DCTN4: variants seen among roughly 807,000 people sequenced by gnomAD.
DCTN4 encodes the protein dynactin subunit 4.
A neutral mutation model predicts 62.7 loss-of-function variants in DCTN4; 23 were observed. That is an observed-to-expected ratio of 0.37 (90% CI 0.26 to 0.52). DCTN4 has a LOEUF of 0.52. Ranked by LOEUF, DCTN4 falls within the 20% of genes least tolerant of loss-of-function variation. DCTN4 has a pLI of 0.92. For synonymous variants in DCTN4, 199 were observed against 202.1 expected (o/e 0.98, Z 0.13); for missense variants, 514 against 580.4 (o/e 0.89, Z 1.18).
chr5:150,756,329 A>G (rs1478461636), intron 2 of DCTN4, 88 bp downstream of exon 2: 4 of 916,426 alleles, frequency 4.4e-6, no homozygotes, highest in South Asian at 1.9e-5. Context: ...GTGAGCCACC[A>G]TGCCTGGCCC....
In DCTN4 at chr5:150,709,372, A is replaced by C. The variant is rs1326238607; in HGVS notation, c.*1777T>G. On this transcript the variant is annotated 3_prime_UTR_variant, in exon 13 of 13. Coordinates refer to ENST00000447998, the MANE Select transcript of DCTN4 (RefSeq NM_016221.4). ...GTCTATGCAAACGTGTAAACATATG[A>C]AGCTATTCTCTACTCTATGCCCATT... is the stretch of plus-strand genomic sequence containing the variant. The C allele has an allele frequency of 1.3e-5, 2 of 152,356 alleles. No individual in the cohort carries two copies. The highest frequency in any genetic ancestry group is 2.9e-5 in the Non-Finnish European group (2 of 68,040). 9.4% of individuals were successfully genotyped at this position (152,356 alleles called of 1,614,324 possible).
At position 150,729,051 on chromosome 5, in the gene DCTN4, T is replaced by C. The variant is rs1307762675; in HGVS notation, c.834+1580A>G. ...TGAACCACCACACTGGCTTTTTTTT[T>C]TTTTTTTTTTTTTTTTTTTTTTTGG... On this transcript the variant is annotated intron_variant, in intron 8 of 12. Coordinates refer to ENST00000447998, the MANE Select transcript of DCTN4 (RefSeq NM_016221.4). 1.3e-4 allele frequency among the ~76,000 whole-genome samples: 16 copies of C among 121,820 alleles called. 2 individuals carry two copies. Among genetic ancestry groups the C allele is most frequent in the African/African-American group, 5.4e-4 (15 of 27,958 alleles). 79.9% of individuals were successfully genotyped at this position (121,820 alleles called of 152,430 possible).
intron 8 of DCTN4, among the ~76,000 whole-genome samples, chr5:150,729,732 C>T (rs1355931684): frequency 6.6e-6 from 1 of 152,024 alleles, no homozygotes; most frequent in African/African-American, 2.4e-5. Flanking sequence ...AGGGATTCTC[C>T]TGCCTCAGCT....
intron 12 of DCTN4, among the ~76,000 whole-genome samples, chr5:150,712,185 A>G (rs1030203667): frequency 3.9e-5 from 6 of 152,164 alleles, no homozygotes; most frequent in African/African-American, 1.4e-4. Flanking sequence ...GCTGGAGTGC[A>G]GTGGCGCAAT....
At chr5:150,736,834 C>T (rs1020592300) in intron 4 of DCTN4, among the ~76,000 whole-genome samples, 2 of 152,074 alleles carry the variant, frequency 1.3e-5, no homozygotes, top group African/African-American at 4.8e-5. Context: ...GAATGGATAA[C>T]AATTTACCAA....
chr5:150,747,095 G>A (rs1469454991), intron 3 of DCTN4, among the ~76,000 whole-genome samples: 50 of 151,976 alleles, frequency 3.3e-4, no homozygotes, highest in South Asian at 1.9e-3. Flanking sequence ...GCAAAGTCTC[G>A]GGATACAAAA....
intron 8 of DCTN4, among the ~76,000 whole-genome samples, chr5:150,723,727 T>C (rs748280915): frequency 6.6e-6 from 1 of 152,228 alleles, no homozygotes; most frequent in Non-Finnish European, 1.5e-5. Flanking sequence ...AGTGTAAAGA[T>C]TACCCATTAT....
At position 150,729,042 on chromosome 5, in the gene DCTN4, C is replaced by CCTTTTTTTTTTTTTTTT. The variant is rs762124472; in HGVS notation, c.834+1588_834+1589insAAAAAAAAAAAAAAAAG. 1.5e-4 allele frequency among the ~76,000 whole-genome samples: 8 copies of CCTTTTTTTTTTTTTTTT among 52,138 alleles called. 3 individuals carry two copies. The highest frequency in any genetic ancestry group is 1.3e-3 in the South Asian group (2 of 1,596). 34.2% of individuals were successfully genotyped at this position (52,138 alleles called of 152,430 possible). On this transcript the variant is annotated intron_variant, in intron 8 of 12. Coordinates refer to ENST00000447998, the MANE Select transcript of DCTN4 (RefSeq NM_016221.4). ...ACAAGTGTGTGAACCACCACACTGGCTTTTTTTTTTTTTTTTTTTTTTTTT... is the reference window on the plus strand; with the variant it reads ...ACAAGTGTGTGAACCACCACACTGGCCTTTTTTTTTTTTTTTTTTTTTTTTTTTTTTTTTTTTTTTTT...
chr5:150,758,686 C>T lies in DCTN4; in HGVS notation c.135+173G>A. The stretch of plus-strand genomic sequence containing the variant: ...CGCTCAGTCCCACCCGAGGCTGCTC[C>T]TCCTTTCCAAGTGACAGATTAGAAG... On this transcript the variant is annotated intron_variant, in intron 1 of 12. Transcript: ENST00000447998. 2.3e-6 allele frequency: 3 copies of T among 1,313,458 alleles called. 1 individual carries two copies. The highest frequency in any genetic ancestry group is 2.8e-5 in the South Asian group (2 of 71,402). The allele number at this position is 1,313,458 out of a possible 1,614,324, so 81.4% of individuals were successfully genotyped here.
intron 8 of DCTN4, among the ~76,000 whole-genome samples, chr5:150,724,757 A>C (rs1760076460): frequency 6.7e-6 from 1 of 149,768 alleles, no homozygotes; most frequent in Non-Finnish European, 1.5e-5. Flanking sequence ...CTACGTCTGC[A>C]TACATATAGA....
At chr5:150,749,646 T>A (rs1378398928) in intron 3 of DCTN4, among the ~76,000 whole-genome samples, 1 of 148,892 alleles carries the variant, frequency 6.7e-6, no homozygotes, top group Non-Finnish European at 1.5e-5. Context: ...AGAAACCCCA[T>A]CTCTACTTTA....
At position 150,722,999 on chromosome 5, in the gene DCTN4, T is replaced by A. The variant is rs758677408; in HGVS notation, c.835-19A>T. 1 of 1,557,636 alleles carries A rather than the reference T, an allele frequency of 6.4e-7. No homozygotes were observed. The highest frequency in any genetic ancestry group is 1.1e-5 in the South Asian group (1 of 88,770). ...CACATTTCTAAAAAGAAAACAAATA[T>A]AACACGTATCAGAAGACAACAACAC... is the stretch of plus-strand genomic sequence containing the variant. On this transcript the variant is annotated intron_variant, in intron 8 of 12. Transcript: ENST00000447998.
At chr5:150,714,161 G>A (rs1457219238) in intron 12 of DCTN4, among the ~76,000 whole-genome samples, 1 of 152,112 alleles carries the variant, frequency 6.6e-6, no homozygotes, top group Non-Finnish European at 1.5e-5. Flanking sequence ...AGTTTACTAA[G>A]CTATTATTTT....
chr5:150,719,666 C>T, intron 10 of DCTN4, 50 bp downstream of exon 10: 1 of 1,330,578 alleles, frequency 7.5e-7, no homozygotes, highest in Non-Finnish European at 1.1e-6. Flanking sequence ...CACATGTACA[C>T]ACATCATTGA....
rs754351016 is a variant in DCTN4 at position 150,722,975 on chromosome 5, A to C, written c.840T>G (p.Cys280Trp). 6.2e-7 allele frequency: 1 copy of C among 1,608,890 alleles called. No homozygotes were observed. Among genetic ancestry groups the C allele is most frequent in the Non-Finnish European group, 8.5e-7 (1 of 1,176,216 alleles). Reference protein sequence around the residue: ...LIKRSLRCRKCEHNLSKPEFN... With the variant: ...LIKRSLRCRKWEHNLSKPEFN... Reference sequence around the variant, plus strand: ...ATTCTGGCTTGCTCAAATTATGTTCACATTTCTAAAAAGAAAACAAATATA... The same window carrying C: ...ATTCTGGCTTGCTCAAATTATGTTCCCATTTCTAAAAAGAAAACAAATATA... Residue 280 changes from cysteine (C) to tryptophan (W), a missense_variant, in exon 9 of 13, where the codon TGT (cysteine) becomes TGG (tryptophan). By Grantham distance (215) the Cys-to-Trp change is radical. Transcript: ENST00000447998.
At chr5:150,722,415 T>C (rs558122320) in intron 9 of DCTN4, among the ~76,000 whole-genome samples, 3 of 152,324 alleles carry the variant, frequency 2.0e-5, no homozygotes, top group South Asian at 2.1e-4. Context: ...GATAGCCTGA[T>C]AGGTAGTTTT....
intron 8 of DCTN4, among the ~76,000 whole-genome samples, chr5:150,729,042 C>CCTTTTTT (rs762124472): frequency 0.023 from 1,217 of 52,178 alleles, 132 homozygotes; most frequent in East Asian, 0.039. Context: ...ACCACACTGG[C>CCTTTTTT]TTTTTTTTTT....
intron 5 of DCTN4, chr5:150,731,880 A>G (rs541050942): frequency 2.6e-6 from 4 of 1,551,574 alleles, no homozygotes; most frequent in Non-Finnish European, 3.5e-6. Context: ...ATAAAGGAGA[A>G]CTTACCACTA....
chr5:150,746,249 T>C (rs1233480792), intron 3 of DCTN4, among the ~76,000 whole-genome samples: 3 of 152,062 alleles, frequency 2.0e-5, no homozygotes, highest in South Asian at 2.1e-4. Flanking sequence ...CAGCAAGAAG[T>C]TGAATCTCTG....
Sources: allele counts gnomAD v4.1 joint callset (sites outside exome capture counted in the v4.1 genomes callset), GRCh38; gene constraint gnomAD v4.1.1; transcripts MANE v1.5; gene names NCBI Gene and HGNC (gene_info 2026-07-23, HGNC 2026-07-21).